Variants in TOX observed in about 807,000 individuals in gnomAD.
The protein encoded by TOX is thymocyte selection associated high mobility group box, also known as thymocyte selection-associated high mobility group box protein TOX.
A neutral mutation model predicts 53.7 loss-of-function variants in TOX; 11 were observed. The observed-to-expected ratio is 0.20, with a 90% CI of 0.13 to 0.34. The LOEUF (loss-of-function observed/expected upper bound fraction) is 0.34, where lower values mean the gene tolerates loss of function less well. TOX is among the 10% of genes least tolerant of loss of function. The probability of loss-of-function intolerance (pLI) is 1.00; values close to 1 mark genes in which losing one functional copy is unlikely to be tolerated. For synonymous variants in TOX, 225 were observed against 245.3 expected, an observed-to-expected ratio of 0.92 and a Z score of 0.77; for missense variants, 570 against 664.6, an observed-to-expected ratio of 0.86 and a Z score of 1.56.
intron 4 of TOX, among the ~76,000 whole-genome samples, chr8:58,839,374 A>G (rs1217936518): frequency 2.0e-5 from 3 of 152,214 alleles, no homozygotes; most frequent in African/African-American, 7.2e-5. Flanking sequence ...TAGATTCTAG[A>G]GAGTTCTAGA....
At chr8:59,065,352 G>A (rs1040188625) in intron 1 of TOX, among the ~76,000 whole-genome samples, 2 of 152,106 alleles carry the variant, frequency 1.3e-5, no homozygotes, top group African/African-American at 4.8e-5. Flanking sequence ...ACAATTGCAC[G>A]TTACTTCAGT....
At chr8:58,901,838 C>T (rs964756831) in intron 3 of TOX, among the ~76,000 whole-genome samples, 1 of 152,068 alleles carries the variant, frequency 6.6e-6, no homozygotes, top group Non-Finnish European at 1.5e-5. Flanking sequence ...AGAGAGAATA[C>T]ACTGCAAGCT....
chr8:58,837,491 G>A (rs888431930), intron 5 of TOX, among the ~76,000 whole-genome samples: 17 of 152,192 alleles, frequency 1.1e-4, no homozygotes, highest in Admixed American at 3.3e-4. Flanking sequence ...ATCTCACGTG[G>A]CCTTCCCTGA....
chr8:58,877,515 A>C (rs1200795393), intron 3 of TOX, among the ~76,000 whole-genome samples: 1 of 152,228 alleles, frequency 6.6e-6, no homozygotes. Flanking sequence ...ATAGAGACTC[A>C]ACAAGACTTC....
At chr8:58,810,871 T>C (rs902321285) in intron 7 of TOX, among the ~76,000 whole-genome samples, 2 of 151,734 alleles carry the variant, frequency 1.3e-5, no homozygotes, top group African/African-American at 2.4e-5. Context: ...CGCCATTTTT[T>C]CCCCCCATCC....
intron 1 of TOX, chr8:58,992,675 A>G (rs1585948047): frequency 1.3e-5 from 2 of 152,366 alleles, no homozygotes; most frequent in South Asian, 2.1e-4. Flanking sequence ...TGTAAGTTAC[A>G]AAATCTTTCT....
At chr8:58,812,335 A>G (rs1214672254) in intron 7 of TOX, among the ~76,000 whole-genome samples, 1 of 151,888 alleles carries the variant, frequency 6.6e-6, no homozygotes, top group Non-Finnish European at 1.5e-5. Context: ...CTTGACTCTG[A>G]CCTTGCCCCT....
chr8:58,828,934 T>C (rs1810408032), intron 5 of TOX, among the ~76,000 whole-genome samples: 1 of 152,188 alleles, frequency 6.6e-6, no homozygotes, highest in Admixed American at 6.6e-5. Context: ...CATTTTTGTA[T>C]ACCCTAAGCA....
intron 3 of TOX, among the ~76,000 whole-genome samples, chr8:58,864,541 G>C (rs1811063870): frequency 6.6e-6 from 1 of 152,152 alleles, no homozygotes; most frequent in Non-Finnish European, 1.5e-5. Flanking sequence ...TATGGGTACA[G>C]CAACAGTAGC....
chr8:58,933,567 G>T (rs910638937), intron 3 of TOX, among the ~76,000 whole-genome samples: 7 of 151,478 alleles, frequency 4.6e-5, no homozygotes, highest in African/African-American at 1.7e-4. Flanking sequence ...AAACTTTGAA[G>T]GGGGGTGGGG....
At chr8:58,960,187 G>T (rs541725567) in intron 1 of TOX, among the ~76,000 whole-genome samples, 179 bp from the exon 2 acceptor site, 43 of 152,274 alleles carry the variant, frequency 2.8e-4, no homozygotes, top group Middle Eastern at 3.4e-3. Flanking sequence ...TGTTTCTGTT[G>T]TCATCCTTAC....
intron 3 of TOX, among the ~76,000 whole-genome samples, chr8:58,938,490 C>T (rs981404246): frequency 6.6e-6 from 1 of 152,096 alleles, no homozygotes; most frequent in African/African-American, 2.4e-5. Flanking sequence ...AAGCTCTCTC[C>T]TTGGCCATCT....
chr8:59,116,207 A>G (rs1805096233), intron 1 of TOX, among the ~76,000 whole-genome samples: 1 of 152,210 alleles, frequency 6.6e-6, no homozygotes, highest in African/African-American at 2.4e-5. Flanking sequence ...AATAAAGATA[A>G]TTAGTAATTT....
At chr8:59,112,871 AAAC>A (rs1488522701) in intron 1 of TOX, among the ~76,000 whole-genome samples, 21 of 152,308 alleles carry the variant, frequency 1.4e-4, no homozygotes, top group Admixed American at 3.3e-4. Flanking sequence ...GTTTTATTCT[AAAC>A]AACAAGTGAT....
At chr8:58,976,897 T>C in intron 1 of TOX, among the ~76,000 whole-genome samples, 1 of 152,238 alleles carries the variant, frequency 6.6e-6, no homozygotes, top group East Asian at 1.9e-4. Flanking sequence ...CAAACCATGC[T>C]GTAAAAGGAT....
chr8:58,975,041 T>C (rs1813065615), intron 1 of TOX, among the ~76,000 whole-genome samples: 1 of 152,000 alleles, frequency 6.6e-6, no homozygotes, highest in African/African-American at 2.4e-5. Context: ...TCTTACTAGA[T>C]AGCAGGCAGG....
At chr8:58,945,528 T>G (rs1812510995) in intron 2 of TOX, among the ~76,000 whole-genome samples, 1 of 152,210 alleles carries the variant, frequency 6.6e-6, no homozygotes, top group Non-Finnish European at 1.5e-5. Flanking sequence ...TTCTGGGAGA[T>G]CTCATTTCCC....
At chr8:59,054,853 AAGAG>A (rs1479735011) in intron 1 of TOX, among the ~76,000 whole-genome samples, 10 of 150,192 alleles carry the variant, frequency 6.7e-5, no homozygotes, top group Non-Finnish European at 2.9e-5. Context: ...GAAAGAAAAA[AAGAG>A]AGAGAAAGAG....
intron 1 of TOX, among the ~76,000 whole-genome samples, chr8:59,099,523 A>G (rs1804768868): frequency 6.6e-6 from 1 of 152,172 alleles, no homozygotes; most frequent in Non-Finnish European, 1.5e-5. Context: ...AAAAAACCTG[A>G]GGTATGCAAT....
Sources: gnomAD v4.1 joint callset for allele counts (sites outside exome capture counted in the v4.1 genomes callset) on GRCh38, gnomAD v4.1.1 for gene constraint, MANE v1.5 for transcripts, NCBI Gene and HGNC (gene_info 2026-07-23, HGNC 2026-07-21) for gene names.